Variants in STOX2 observed in about 807,000 individuals in gnomAD.
STOX2 encodes storkhead box 2.
Under a neutral mutation model 60.9 loss-of-function variants are expected in STOX2, and 28 were observed. That is an observed-to-expected ratio of 0.46 (90% CI 0.34 to 0.63). The LOEUF (loss-of-function observed/expected upper bound fraction) is 0.63, where lower values mean the gene tolerates loss of function less well. STOX2 is among the 30% of genes least tolerant of loss of function. The probability of loss-of-function intolerance (pLI) is 0.01; values close to 1 mark genes in which losing one functional copy is unlikely to be tolerated. For synonymous variants in STOX2, 472 were observed against 463.9 expected (o/e 1.02, Z -0.22); for missense variants, 1,024 against 1,187.7 (o/e 0.86, Z 2.03).
intron 1 of STOX2, among the ~76,000 whole-genome samples, chr4:183,969,243 G>A (rs1185499711): frequency 1.3e-5 from 2 of 152,152 alleles, no homozygotes; most frequent in Admixed American, 6.5e-5. Context: ...AGCTTGTGAC[G>A]GCAGTGACTT....
intron 1 of STOX2, among the ~76,000 whole-genome samples, chr4:183,921,286 A>T (rs1443875442): frequency 2.0e-5 from 3 of 152,242 alleles, no homozygotes; most frequent in Non-Finnish European, 2.9e-5. Context: ...GTTCAAGGTA[A>T]TCAAGAAAGA....
At chr4:183,974,050 T>C (rs1732341618) in intron 1 of STOX2, among the ~76,000 whole-genome samples, 1 of 152,174 alleles carries the variant, frequency 6.6e-6, no homozygotes, top group African/African-American at 2.4e-5. Context: ...TAGAGTTTCA[T>C]TGTATATAGA....
intron 1 of STOX2, among the ~76,000 whole-genome samples, chr4:183,827,560 G>A (rs771152366): frequency 1.2e-4 from 18 of 152,062 alleles, no homozygotes; most frequent in Non-Finnish European, 2.1e-4. Flanking sequence ...TCTTTACTCA[G>A]CTTTAATGTA....
At chr4:183,831,797 A>T (rs963360599) in intron 1 of STOX2, among the ~76,000 whole-genome samples, 5 of 152,096 alleles carry the variant, frequency 3.3e-5, no homozygotes, top group Non-Finnish European at 7.4e-5. Flanking sequence ...TGTTAAGCTT[A>T]TCTGCCTTAG....
chr4:183,869,451 C>T (rs1740641286), intron 1 of STOX2, among the ~76,000 whole-genome samples: 1 of 152,090 alleles, frequency 6.6e-6, no homozygotes, highest in Non-Finnish European at 1.5e-5. Flanking sequence ...ACCTTTTCAA[C>T]TTGCTAAGTC....
chr4:183,962,847 A>T (rs1743451583), intron 1 of STOX2, among the ~76,000 whole-genome samples: 1 of 152,202 alleles, frequency 6.6e-6, no homozygotes, highest in Non-Finnish European at 1.5e-5. Context: ...GGGTTCAAGA[A>T]ATTTAAAAAT....
At position 183,806,598 on chromosome 4, in the gene STOX2, C is replaced by G. The variant is rs758310072; in HGVS notation, c.364+8543C>G. Among the ~76,000 whole-genome samples the G allele has an allele frequency of 3.3e-5, 5 of 152,212 alleles. No homozygotes were observed. The highest frequency in any genetic ancestry group is 9.6e-5 in the African/African-American group (4 of 41,462). ...CCCGCTGTGGCCTGCTTCCTGAGAG[C>G]TCTGCGTGTGACAGCATTTCCTTCT... is the stretch of plus-strand genomic sequence containing the variant. On this transcript the variant is annotated intron_variant, in intron 1 of 2. Transcript: ENST00000513034. The surrounding 1 kb of genome is among the most constrained non-coding windows in gnomAD (Gnocchi z 4.1).
At chr4:183,807,550 G>C (rs998684845) in intron 1 of STOX2, among the ~76,000 whole-genome samples, 2 of 152,156 alleles carry the variant, frequency 1.3e-5, no homozygotes, top group Admixed American at 6.5e-5. Context: ...TTTGGCTTTG[G>C]GTGACACCTT....
chr4:183,830,407 C>T (rs906880113), intron 1 of STOX2, among the ~76,000 whole-genome samples: 2 of 152,168 alleles, frequency 1.3e-5, no homozygotes, highest in African/African-American at 2.4e-5. Context: ...TTTCTGAATT[C>T]CACTGGGTGA....
At chr4:183,983,663 A>G (rs948149793) in intron 1 of STOX2, among the ~76,000 whole-genome samples, 1 of 152,200 alleles carries the variant, frequency 6.6e-6, no homozygotes, top group Non-Finnish European at 1.5e-5. Flanking sequence ...TGGAGAATGG[A>G]GGTGTCAGGC....
chr4:183,922,794 C>T (rs1742140129), intron 1 of STOX2, among the ~76,000 whole-genome samples: 1 of 152,140 alleles, frequency 6.6e-6, no homozygotes, highest in Non-Finnish European at 1.5e-5. Context: ...AACTCTCGGT[C>T]CTCCCTACCC....
intron 1 of STOX2, among the ~76,000 whole-genome samples, chr4:183,991,552 C>T (rs1369161630): frequency 1.3e-5 from 2 of 151,930 alleles, no homozygotes; most frequent in Non-Finnish European, 2.9e-5. Context: ...CTCAGCCACC[C>T]GAGTAGCTGG....
In STOX2 at chr4:184,001,416, C is replaced by T. The variant is rs747569463; in HGVS notation, c.258C>T (p.Asn86=). Reference sequence around the variant, plus strand: ...TCTGCTTGGCCATCTCAGCAATGAACTCGGCAAGAAAGCCTGTCACCCAAG... The same window carrying T: ...TCTGCTTGGCCATCTCAGCAATGAATTCGGCAAGAAAGCCTGTCACCCAAG... ...EILCLAISAM[N]SARKPVTQEA... The change falls in exon 2 of 4, where the codon AAC becomes AAT. Residue 86 remains asparagine (N), a synonymous_variant. Coordinates refer to ENST00000308497, the MANE Select transcript of STOX2 (RefSeq NM_020225.3). This position sits in a 1 kb window ranked among gnomAD's most constrained non-coding sequence, Gnocchi z 4.2. 3 of 1,613,866 alleles carry T rather than the reference C, an allele frequency of 1.9e-6. No homozygotes were observed. Among genetic ancestry groups the T allele is most frequent in the South Asian group, 1.1e-5 (1 of 91,082 alleles).
rs187399903 is a variant in STOX2 at position 183,851,455 on chromosome 4, G to A, written c.364+53400G>A. On this transcript the variant is annotated intron_variant, in intron 1 of 2. Transcript: ENST00000513034. ...AGAGAAAGGATGAGGGAAAGGATGA[G>A]AGAAACGATGAGAGAAACGATGAGG... Among the ~76,000 whole-genome samples the A allele has an allele frequency of 2.0e-3, 114 of 58,388 alleles. 6 individuals are homozygous for A. The highest frequency in any genetic ancestry group is 9.6e-3 in the African/African-American group (108 of 11,284). 38.3% of individuals were successfully genotyped at this position (58,388 alleles called of 152,430 possible).
intron 3 of STOX2, 23 bp from the exon 4 acceptor site, chr4:184,017,066 A>ATGTT: frequency 6.4e-7 from 1 of 1,570,610 alleles, no homozygotes; most frequent in East Asian, 2.3e-5. Context: ...ACAAAACAAA[A>ATGTT]CAAACCCTTT....
chr4:183,842,833 CT>C lies in STOX2; in HGVS notation c.364+44793del, dbSNP rs33919752. Among the ~76,000 whole-genome samples, 665 of 147,808 alleles carry C rather than the reference CT, an allele frequency of 4.5e-3. 4 individuals carry two copies. Among genetic ancestry groups the C allele is most frequent in the African/African-American group, 0.014 (550 of 39,910 alleles). ...AATAGGTCACAGTGAGTTTTAAATT[CT>C]TTTTTTTTTTTTTTGAAATAAAAAT... On this transcript the variant is annotated intron_variant, in intron 1 of 2. Transcript: ENST00000513034.
chr4:183,821,257 C>G lies in STOX2; in HGVS notation c.364+23202C>G, dbSNP rs1292740028. 6.6e-6 allele frequency among the ~76,000 whole-genome samples: 1 copy of G among 152,224 alleles called. No homozygotes were observed. Among genetic ancestry groups the G allele is most frequent in the Middle Eastern group, 3.2e-3 (1 of 316 alleles). On this transcript the variant is annotated intron_variant, in intron 1 of 2. Coordinates refer to the STOX2 transcript ENST00000513034. The surrounding 1 kb of genome is among the most constrained non-coding windows in gnomAD (Gnocchi z 4.2). ...TACACAGAGGCTTGGTGAGAACCCTCCCTTGGCTGGAGGCCCGTGTGTAAC... is the reference window on the plus strand; with the variant it reads ...TACACAGAGGCTTGGTGAGAACCCTGCCTTGGCTGGAGGCCCGTGTGTAAC...
rs1740477957 is a variant in STOX2 at position 183,862,754 on chromosome 4, GA to G, written c.364+64704del. On this transcript the variant is annotated intron_variant, in intron 1 of 2. Transcript: ENST00000513034. ...AGATCAAGGGTAATTAGTGTCCTGA[GA>G]AAAACCAAGGAAACTCAGAAGAGGG... Among the ~76,000 whole-genome samples the G allele has an allele frequency of 8.5e-5, 13 of 152,216 alleles. No individual in the cohort carries two copies. In the South Asian group the frequency reaches 2.7e-3, roughly 32 times the overall value.
rs761546073 is a variant in STOX2, at chr4:184,010,994, C to G, written c.2156C>G (p.Ser719Trp). 8.7e-6 allele frequency: 14 copies of G among 1,613,068 alleles called. No individual in the cohort carries two copies. The highest frequency in any genetic ancestry group is 2.2e-5 in the East Asian group (1 of 44,846). Residue 719 changes from serine (S) to tryptophan (W), a missense_variant, in exon 3 of 4, where the codon TCG becomes TGG. This residue lies in a region of STOX2 where 922 missense variants were observed against 1,058.3 expected (regional missense o/e 0.87). Coordinates refer to ENST00000308497, the MANE Select transcript of STOX2 (RefSeq NM_020225.3). The surrounding 1 kb of genome is among the most constrained non-coding windows in gnomAD (Gnocchi z 4.5). Reference protein sequence around the residue: ...STLSVNSYHKSSLSLLKSHPK... With the variant: ...STLSVNSYHKWSLSLLKSHPK... ...TTGTCTGTAAACAGCTATCACAAGT[C>G]GAGCCTGTCCCTCCTCAAATCTCAC...
Sources: allele counts gnomAD v4.1 joint callset (sites outside exome capture counted in the v4.1 genomes callset), GRCh38; gene constraint gnomAD v4.1.1; regional missense constraint gnomAD v4.1.1; non-coding constraint Gnocchi (gnomAD v3.1); transcripts MANE v1.5; gene names NCBI Gene and HGNC (gene_info 2026-07-23, HGNC 2026-07-21).